Variants in PLS1 observed in about 807,000 individuals in gnomAD.
The protein encoded by PLS1 is plastin 1.
In PLS1, 32 loss-of-function variants were observed where a neutral mutation model predicts 73.7. The ratio of observed to expected loss-of-function variants is 0.43; its 90% CI spans 0.33 to 0.58. PLS1 has a LOEUF of 0.58. Among genes scored for constraint, PLS1 ranks in the 20% least tolerant of loss-of-function variants. The pLI, the probability that PLS1 is intolerant of heterozygous loss-of-function variation, is 0.04. For synonymous variants in PLS1, 217 were observed against 261.3 expected, an observed-to-expected ratio of 0.83 and a Z score of 1.63; for missense variants, 633 against 740.5, an observed-to-expected ratio of 0.85 and a Z score of 1.68.
At chr3:142,633,241 T>C (rs1470214155) in intron 1 of PLS1, among the ~76,000 whole-genome samples, 1 of 152,174 alleles carries the variant, frequency 6.6e-6, no homozygotes, top group Non-Finnish European at 1.5e-5. Context: ...GAGGGGAAAT[T>C]AGTGTTTAAT....
At chr3:142,632,141 G>T (rs886846170) in intron 1 of PLS1, among the ~76,000 whole-genome samples, 23 of 152,084 alleles carry the variant, frequency 1.5e-4, no homozygotes, top group Non-Finnish European at 3.2e-4. Context: ...AATGGTCCTT[G>T]ACTTACAGTG....
At chr3:142,621,319 A>G (rs1262833296) in intron 1 of PLS1, among the ~76,000 whole-genome samples, 1 of 152,170 alleles carries the variant, frequency 6.6e-6, no homozygotes, top group Non-Finnish European at 1.5e-5. Context: ...TCTTAGAGCA[A>G]TTGGATTCAC....
chr3:142,696,727 A>AATC (rs1481818237), intron 11 of PLS1, among the ~76,000 whole-genome samples: 1 of 106,254 alleles, frequency 9.4e-6, no homozygotes, highest in Non-Finnish European at 2.1e-5. Context: ...GCAAAATAAT[A>AATC]ATAATAATAA....
intron 4 of PLS1, 81 bp downstream of exon 4, chr3:142,671,203 C>A (rs2037597785): frequency 1.6e-6 from 2 of 1,226,046 alleles, no homozygotes; most frequent in African/African-American, 1.5e-5. Flanking sequence ...TAAGATGCCA[C>A]TCATTGTGAT....
At chr3:142,711,412 G>A in intron 14 of PLS1, 89 bp from the exon 15 acceptor site, 1 of 902,648 alleles carries the variant, frequency 1.1e-6, no homozygotes, top group Admixed American at 2.3e-5. Flanking sequence ...TTTGTAGATT[G>A]CCTTCAGTTA....
At chr3:142,648,129 A>G (rs1403425561) in intron 1 of PLS1, among the ~76,000 whole-genome samples, 1 of 152,208 alleles carries the variant, frequency 6.6e-6, no homozygotes, top group Non-Finnish European at 1.5e-5. Flanking sequence ...AGCACCTTAG[A>G]TGTTCTCAAT....
At chr3:142,696,531 G>T (rs1292950380) in intron 11 of PLS1, among the ~76,000 whole-genome samples, 3 of 151,812 alleles carry the variant, frequency 2.0e-5, no homozygotes, top group Admixed American at 1.3e-4. Context: ...AGAATTTTTA[G>T]GTTCCTGCCT....
At chr3:142,666,852 T>C (rs1262829955) in intron 2 of PLS1, among the ~76,000 whole-genome samples, 1 of 152,208 alleles carries the variant, frequency 6.6e-6, no homozygotes, top group Non-Finnish European at 1.5e-5. Context: ...AGGTGTGAAG[T>C]AGTATCTCAT....
chr3:142,696,274 G>A (rs2038199193), intron 11 of PLS1, among the ~76,000 whole-genome samples: 1 of 152,188 alleles, frequency 6.6e-6, no homozygotes, highest in African/African-American at 2.4e-5. Context: ...GTGGAGAAAA[G>A]AATTGACCAA....
chr3:142,634,500 A>G (rs980267570), intron 1 of PLS1, among the ~76,000 whole-genome samples: 3 of 152,216 alleles, frequency 2.0e-5, no homozygotes, highest in East Asian at 1.9e-4. Context: ...GAAGTCTTCA[A>G]CTGTACTTGT....
At chr3:142,709,796 A>G (rs1427738096) in intron 14 of PLS1, among the ~76,000 whole-genome samples, 1 of 150,260 alleles carries the variant, frequency 6.7e-6, no homozygotes. Flanking sequence ...CAGCCTGGGC[A>G]ACAGAGCGAG....
intron 14 of PLS1, among the ~76,000 whole-genome samples, chr3:142,706,615 G>A (rs1403346033): frequency 1.3e-5 from 2 of 152,150 alleles, no homozygotes; most frequent in Non-Finnish European, 2.9e-5. Flanking sequence ...TGAATGTAGT[G>A]AACAGGATGG....
At chr3:142,636,470 A>G (rs531740181) in intron 1 of PLS1, among the ~76,000 whole-genome samples, 1 of 152,380 alleles carries the variant, frequency 6.6e-6, no homozygotes, top group East Asian at 1.9e-4. Context: ...TCACTCCCAG[A>G]AAATACAAAA....
At chr3:142,708,782 C>A (rs954820751) in intron 14 of PLS1, among the ~76,000 whole-genome samples, 4 of 152,172 alleles carry the variant, frequency 2.6e-5, no homozygotes, top group Admixed American at 1.3e-4. Context: ...TAACCCCTTT[C>A]CCTTTGCAAA....
At chr3:142,653,172 A>G (rs948198008) in intron 1 of PLS1, among the ~76,000 whole-genome samples, 5 of 152,224 alleles carry the variant, frequency 3.3e-5, no homozygotes, top group Non-Finnish European at 7.4e-5. Flanking sequence ...CTCTCATACC[A>G]AATGCTTTTC....
chr3:142,673,580 T>A (rs1184389541), intron 4 of PLS1: 1 of 152,252 alleles, frequency 6.6e-6, no homozygotes, highest in East Asian at 1.9e-4. Context: ...ACTGCCAAAT[T>A]GTTTTCCAAA....
At chr3:142,612,702 A>G (rs1412166405) in intron 1 of PLS1, among the ~76,000 whole-genome samples, 1 of 151,886 alleles carries the variant, frequency 6.6e-6, no homozygotes, top group Non-Finnish European at 1.5e-5. Context: ...AGCCTGGTCA[A>G]TACAGCAAGA....
chr3:142,639,768 C>A (rs1343655686), intron 1 of PLS1, among the ~76,000 whole-genome samples: 1 of 152,188 alleles, frequency 6.6e-6, no homozygotes, highest in Non-Finnish European at 1.5e-5. Flanking sequence ...AGTGCACAGG[C>A]AGTTCTTAGT....
intron 4 of PLS1, among the ~76,000 whole-genome samples, chr3:142,674,392 G>T (rs1384235320): frequency 1.3e-5 from 2 of 152,016 alleles, no homozygotes; most frequent in Non-Finnish European, 2.9e-5. Context: ...TTAAATTTTG[G>T]GGGTACCTGC....
Sources: allele counts gnomAD v4.1 joint callset (sites outside exome capture counted in the v4.1 genomes callset), GRCh38; gene constraint gnomAD v4.1.1; transcripts MANE v1.5; gene names NCBI Gene and HGNC (gene_info 2026-07-23, HGNC 2026-07-21).